CAST: variants seen among roughly 807,000 people sequenced by gnomAD.
CAST encodes MIR583 host.
In CAST, 76 loss-of-function variants were observed where a neutral mutation model predicts 119.6. The observed-to-expected ratio is 0.64, with a 90% CI of 0.53 to 0.77. The LOEUF (loss-of-function observed/expected upper bound fraction) is 0.77. Among genes scored for constraint, CAST ranks in the 30% least tolerant of loss-of-function variants. The probability of loss-of-function intolerance (pLI) is 0.00; values close to 1 mark genes in which losing one functional copy is unlikely to be tolerated. For missense variants in CAST, 953 were observed against 946.5 expected (o/e 1.01, Z -0.09); for synonymous variants, 319 against 331.6 (o/e 0.96, Z 0.41).
At chr5:96,030,048 A>G in the CAST span, among the ~76,000 whole-genome samples, 90 of 152,248 alleles carry the variant, frequency 5.9e-4, no homozygotes, top group Non-Finnish European at 1.1e-3. Context: ...ATTTTGGTGA[A>G]CTAAAAGCAA....
intron 1 of CAST, among the ~76,000 whole-genome samples, chr5:96,604,779 G>A (rs1271058885): frequency 6.6e-6 from 1 of 152,208 alleles, no homozygotes; most frequent in Non-Finnish European, 1.5e-5. Context: ...TGGGATTTAG[G>A]TTCTGCTTTG....
chr5:96,000,230 T>C, the CAST span, among the ~76,000 whole-genome samples: 1 of 152,170 alleles, frequency 6.6e-6, no homozygotes, highest in South Asian at 2.1e-4. Flanking sequence ...GTGATATCTT[T>C]TGTAGTTACA....
the CAST span, among the ~76,000 whole-genome samples, chr5:96,168,665 C>G: frequency 1.3e-5 from 2 of 151,936 alleles, no homozygotes; most frequent in Admixed American, 1.3e-4. Flanking sequence ...GGGTGAGAAA[C>G]AGGAAAGAAG....
the CAST span, among the ~76,000 whole-genome samples, chr5:95,996,951 C>A: frequency 6.6e-6 from 1 of 151,984 alleles, no homozygotes; most frequent in East Asian, 1.9e-4. Context: ...TAAATTTGAT[C>A]ATCACATAAG....
the CAST span, among the ~76,000 whole-genome samples, chr5:96,289,632 G>A: frequency 2.0e-5 from 3 of 152,096 alleles, no homozygotes; most frequent in African/African-American, 4.8e-5. Flanking sequence ...AGTCAATTAA[G>A]CCTCTTTTCT....
At chr5:96,372,991 T>C in the CAST span, among the ~76,000 whole-genome samples, 3 of 152,160 alleles carry the variant, frequency 2.0e-5, no homozygotes, top group Non-Finnish European at 4.4e-5. Flanking sequence ...TATATTAATA[T>C]CCTCTCTTGA....
rs981408050 is a variant in CAST at position 96,698,110 on chromosome 5, C to G, written c.210+2203C>G. Among the ~76,000 whole-genome samples the G allele has an allele frequency of 2.0e-5, 3 of 152,182 alleles. No individual in the cohort carries two copies. In the East Asian group the frequency reaches 5.8e-4, roughly 29 times the overall value. ...TAAATGTTCCCACACTTGCTATTAT[C>G]TAAACTTTTGAAGGTTTAGTACATT... On this transcript the variant is annotated intron_variant, in intron 3 of 31. Coordinates refer to ENST00000675179, the MANE Select transcript of CAST (RefSeq NM_001750.7).
At chr5:96,105,184 G>C in the CAST span, among the ~76,000 whole-genome samples, 30 of 150,836 alleles carry the variant, frequency 2.0e-4, 1 homozygote, top group East Asian at 5.9e-3. Context: ...TCTGCAAACA[G>C]GGACAATTTG....
the CAST span, among the ~76,000 whole-genome samples, chr5:96,334,712 G>A: frequency 2.0e-5 from 3 of 152,106 alleles, no homozygotes; most frequent in African/African-American, 7.2e-5. Context: ...AAAAGCCTAG[G>A]ATGGAGCTGC....
At chr5:96,721,399 C>T (rs1255699466) in intron 3 of CAST, among the ~76,000 whole-genome samples, 1 of 152,056 alleles carries the variant, frequency 6.6e-6, no homozygotes, top group Non-Finnish European at 1.5e-5. Context: ...TGTTCATGGG[C>T]CATAGACTAT....
chr5:96,682,509 GA>G (rs1751559408), intron 2 of CAST, among the ~76,000 whole-genome samples: 1 of 151,858 alleles, frequency 6.6e-6, no homozygotes, highest in South Asian at 2.1e-4. Flanking sequence ...ACTTTTGTCT[GA>G]ATTTTCTTCT....
the CAST span, among the ~76,000 whole-genome samples, chr5:96,492,791 A>G: frequency 6.6e-6 from 1 of 152,252 alleles, no homozygotes; most frequent in East Asian, 1.9e-4. Context: ...AAGAGGAGAC[A>G]TCTATGTCTG....
At chr5:96,026,059 C>G in the CAST span, among the ~76,000 whole-genome samples, 1 of 152,066 alleles carries the variant, frequency 6.6e-6, no homozygotes, top group Non-Finnish European at 1.5e-5. Flanking sequence ...ATGGTGAGAC[C>G]CTGTCTCTAC....
At chr5:96,529,359 T>C (rs762347874), upstream of CAST, among the ~76,000 whole-genome samples, 5 of 142,966 alleles carry the variant, frequency 3.5e-5, no homozygotes, top group African/African-American at 8.1e-5. Context: ...TTCATAAGCA[T>C]TATAATCATT....
the CAST span, among the ~76,000 whole-genome samples, chr5:96,091,854 G>A: frequency 5.9e-5 from 9 of 152,150 alleles, no homozygotes; most frequent in Non-Finnish European, 1.0e-4. Flanking sequence ...AATAACAATG[G>A]CACCTGCCTC....
chr5:96,229,142 T>C, the CAST span, among the ~76,000 whole-genome samples: 5 of 151,872 alleles, frequency 3.3e-5, no homozygotes, highest in African/African-American at 1.2e-4. Context: ...TTTCCAAAGA[T>C]TCTATAGAAA....
the CAST span, among the ~76,000 whole-genome samples, chr5:96,393,947 T>G: frequency 6.6e-6 from 1 of 152,184 alleles, no homozygotes; most frequent in South Asian, 2.1e-4. Context: ...TGGAAGTGTT[T>G]CAATATTCCA....
chr5:96,019,333 G>A, the CAST span, among the ~76,000 whole-genome samples: 3 of 152,098 alleles, frequency 2.0e-5, no homozygotes, highest in Admixed American at 6.5e-5. Context: ...ATATCAGCAC[G>A]TATGATTTCT....
the CAST span, among the ~76,000 whole-genome samples, chr5:96,474,387 G>GT: frequency 7.2e-6 from 1 of 139,730 alleles, no homozygotes; most frequent in Admixed American, 7.2e-5. Flanking sequence ...ACAGAAGCTT[G>GT]TATCATCTCC....
Sources: gnomAD v4.1 joint callset for allele counts (sites outside exome capture counted in the v4.1 genomes callset) on GRCh38, gnomAD v4.1.1 for gene constraint, MANE v1.5 for transcripts, NCBI Gene and HGNC (gene_info 2026-07-23, HGNC 2026-07-21) for gene names.